Variants in KPNA6 observed in about 807,000 individuals in gnomAD.
KPNA6 encodes the protein karyopherin subunit alpha 6.
In KPNA6, 9 loss-of-function variants were observed where a neutral mutation model predicts 72.0. That is an observed-to-expected ratio of 0.13 (90% CI 0.08 to 0.22). The LOEUF is 0.22. Among genes scored for constraint, KPNA6 ranks in the 10% least tolerant of loss-of-function variants. The pLI, the probability that KPNA6 is intolerant of heterozygous loss-of-function variation, is 1.00. For missense variants in KPNA6, 374 were observed against 655.7 expected, an observed-to-expected ratio of 0.57 and a Z score of 4.69; for synonymous variants, 219 against 242.1, an observed-to-expected ratio of 0.90 and a Z score of 0.89.
chr1:32,129,615 G>A (rs1171078091), intron 1 of KPNA6, among the ~76,000 whole-genome samples: 1 of 152,174 alleles, frequency 6.6e-6, no homozygotes, highest in African/African-American at 2.4e-5. Flanking sequence ...GAGTGCAGTA[G>A]CGCCATCATA....
chr1:32,166,242 AGGGAAGTCAAGGGGCAT>A lies in KPNA6; in HGVS notation c.1116+22_1116+38del, dbSNP rs1193074462. The A allele has an allele frequency of 6.2e-6, 10 of 1,608,838 alleles. No homozygotes were observed. Among genetic ancestry groups the A allele is most frequent in the Non-Finnish European group, 8.5e-6 (10 of 1,178,308 alleles). Reference sequence around the variant, plus strand: ...GGGCTCAAATACAGGTAAAACAGGCAGGGAAGTCAAGGGGCATGGGAAGTCATAGGAACTTGGGAGGT... The same window carrying A: ...GGGCTCAAATACAGGTAAAACAGGCAGGGAAGTCATAGGAACTTGGGAGGT... On this transcript the variant is annotated intron_variant, in intron 11 of 13. Coordinates refer to ENST00000373625, the MANE Select transcript of KPNA6 (RefSeq NM_012316.5).
In KPNA6 at chr1:32,157,460, C is replaced by T. The variant is rs1041586082; in HGVS notation, c.331+15C>T. ...GCTCTCCAAAGGTACAAAGCCTGGC[C>T]CTTGTCAGAGAGGCCTTATATGATT... is the stretch of plus-strand genomic sequence containing the variant. On this transcript the variant is annotated intron_variant, in intron 4 of 13. Transcript: ENST00000373625. The T allele has an allele frequency of 6.3e-7, 1 of 1,591,580 alleles. No individual in the cohort carries two copies. The highest frequency in any genetic ancestry group is 8.6e-7 in the Non-Finnish European group (1 of 1,159,632).
At chr1:32,170,660 A>T (rs773767178) in intron 13 of KPNA6, 47 bp from the exon 14 acceptor site, 1 of 1,539,768 alleles carries the variant, frequency 6.5e-7, no homozygotes, top group African/African-American at 1.4e-5. Context: ...TCACCTGCCC[A>T]TAGAAAAGCA....
intron 1 of KPNA6, among the ~76,000 whole-genome samples, chr1:32,152,451 T>C (rs183225874): frequency 1.6e-4 from 24 of 152,344 alleles, no homozygotes; most frequent in Admixed American, 1.2e-3. Context: ...GGGACACTTA[T>C]GTAAATTGAA....
At chr1:32,149,676 A>C (rs1244841970) in intron 1 of KPNA6, among the ~76,000 whole-genome samples, 1 of 152,048 alleles carries the variant, frequency 6.6e-6, no homozygotes, top group Non-Finnish European at 1.5e-5. Context: ...CATTTTGTGG[A>C]TATCCGAGTT....
intron 1 of KPNA6, among the ~76,000 whole-genome samples, chr1:32,117,243 G>A (rs1397260739): frequency 6.6e-6 from 1 of 151,594 alleles, no homozygotes; most frequent in African/African-American, 2.4e-5. Context: ...CACGATCTTG[G>A]CTCACTGCAA....
chr1:32,109,473 GT>G (rs1390604972), intron 1 of KPNA6, among the ~76,000 whole-genome samples: 1 of 151,332 alleles, frequency 6.6e-6, no homozygotes, highest in Non-Finnish European at 1.5e-5. Flanking sequence ...CGTCCAGCCT[GT>G]TTTTTTGTTT....
intron 11 of KPNA6, among the ~76,000 whole-genome samples, chr1:32,166,682 C>A (rs1276070577): frequency 6.8e-6 from 1 of 147,578 alleles, no homozygotes; most frequent in Non-Finnish European, 1.5e-5. Flanking sequence ...GTAATCCCAG[C>A]ACTTTGGGAG....
At chr1:32,139,968 T>A (rs1641809304) in intron 1 of KPNA6, among the ~76,000 whole-genome samples, 1 of 152,206 alleles carries the variant, frequency 6.6e-6, no homozygotes. Context: ...TGTGTGAACC[T>A]TGGCTGGATT....
intron 1 of KPNA6, among the ~76,000 whole-genome samples, chr1:32,109,077 T>G (rs925604772): frequency 6.6e-6 from 1 of 152,176 alleles, no homozygotes; most frequent in African/African-American, 2.4e-5. Flanking sequence ...ATTTTACAGA[T>G]GTGGAAGCTG....
In KPNA6 at chr1:32,163,216, A is replaced by G. The variant is rs1206515939; in HGVS notation, c.912-19A>G. On this transcript the variant is annotated intron_variant, in intron 9 of 13. Coordinates refer to ENST00000373625, the MANE Select transcript of KPNA6 (RefSeq NM_012316.5). ...AAAATGGTGTGCTGGCCTTCTGATC[A>G]GATCTCCCTCCTCTGTAGGCACAAT... 1.9e-6 allele frequency: 3 copies of G among 1,581,836 alleles called. No homozygotes were observed. In the Admixed American group the frequency reaches 5.0e-5, roughly 26 times the overall value.
At position 32,151,495 on chromosome 1, in the gene KPNA6, A is replaced by AT. The variant is rs200034954; in HGVS notation, c.5-3083dup. Among the ~76,000 whole-genome samples, 40 of 150,454 alleles carry AT rather than the reference A, an allele frequency of 2.7e-4. 1 individual carries two copies. The East Asian group carries it at 6.2e-3, about 23-fold the overall frequency. ...TAGGGAACCCCAAACAGATTTCCCAATTTTTTTTTTCTGCCTATTTCTCTC... is the reference window on the plus strand; with the variant it reads ...TAGGGAACCCCAAACAGATTTCCCAATTTTTTTTTTTCTGCCTATTTCTCTC... On this transcript the variant is annotated intron_variant, in intron 1 of 13. Coordinates refer to ENST00000373625, the MANE Select transcript of KPNA6 (RefSeq NM_012316.5).
chr1:32,150,860 C>T (rs557051548), intron 1 of KPNA6, among the ~76,000 whole-genome samples: 1 of 150,044 alleles, frequency 6.7e-6, no homozygotes, highest in Admixed American at 6.7e-5. Flanking sequence ...CTCTTGACCT[C>T]GTGGTCCGCC....
intron 1 of KPNA6, among the ~76,000 whole-genome samples, chr1:32,119,256 C>T (rs1483107681): frequency 6.6e-6 from 1 of 151,498 alleles, no homozygotes; most frequent in Admixed American, 6.6e-5. Flanking sequence ...GTCTCAAACT[C>T]CTGACCTCAG....
intron 1 of KPNA6, among the ~76,000 whole-genome samples, chr1:32,119,033 T>TATATATATATATATATATA (rs1491488662): frequency 2.7e-5 from 1 of 36,818 alleles, no homozygotes; most frequent in Non-Finnish European, 4.9e-5. Context: ...TATATATATA[T>TATATATATATATATATATA]TTTTTTTTTT....
At chr1:32,166,624 C>CAAAAAA (rs561653103) in intron 11 of KPNA6, among the ~76,000 whole-genome samples, 1 of 39,048 alleles carries the variant, frequency 2.6e-5, no homozygotes, top group Admixed American at 3.0e-4. Flanking sequence ...GACTCCGTCT[C>CAAAAAA]AAAAAAAAAA....
intron 1 of KPNA6, among the ~76,000 whole-genome samples, chr1:32,148,900 C>T (rs1170634863): frequency 1.3e-5 from 2 of 151,872 alleles, no homozygotes; most frequent in Non-Finnish European, 2.9e-5. Context: ...GCCTATGTTG[C>T]CTAGGCTGGT....
intron 1 of KPNA6, among the ~76,000 whole-genome samples, chr1:32,118,330 G>A (rs1641363043): frequency 6.7e-6 from 1 of 150,146 alleles, no homozygotes; most frequent in Non-Finnish European, 1.5e-5. Context: ...AAATTCTATA[G>A]CACTTTGTTC....
chr1:32,113,257 G>A (rs1359704976), intron 1 of KPNA6, among the ~76,000 whole-genome samples: 1 of 151,962 alleles, frequency 6.6e-6, no homozygotes, highest in Admixed American at 6.6e-5. Flanking sequence ...GCTGGGTGTG[G>A]TGGCGCGTGA....
Sources: allele counts gnomAD v4.1 joint callset (sites outside exome capture counted in the v4.1 genomes callset), GRCh38; gene constraint gnomAD v4.1.1; transcripts MANE v1.5; gene names NCBI Gene and HGNC (gene_info 2026-07-23, HGNC 2026-07-21).